RTN3: variants seen among roughly 807,000 people sequenced by gnomAD.
RTN3 encodes reticulon-3.
In RTN3, 49 loss-of-function variants were observed where a neutral mutation model predicts 77.8. The ratio of observed to expected loss-of-function variants is 0.63; its 90% CI spans 0.50 to 0.80. The LOEUF (loss-of-function observed/expected upper bound fraction) is 0.80, where lower values mean the gene tolerates loss of function less well. Ranked by LOEUF, RTN3 falls within the 30% of genes least tolerant of loss-of-function variation. The probability of loss-of-function intolerance (pLI) is 0.00; values close to 1 mark genes in which losing one functional copy is unlikely to be tolerated. For synonymous variants in RTN3, 464 were observed against 446.9 expected, an observed-to-expected ratio of 1.04 and a Z score of -0.48; for missense variants, 1,236 against 1,211.9, an observed-to-expected ratio of 1.02 and a Z score of -0.29.
chr11:63,703,881 A>G lies in RTN3; in HGVS notation c.143-970A>G, dbSNP rs1277593701. 7.2e-5 allele frequency among the ~76,000 whole-genome samples: 11 copies of G among 152,116 alleles called. No individual in the cohort carries two copies. The South Asian group carries it at 8.3e-4, about 11-fold the overall frequency. ...ACATGTATGCAAATATGTCCATAGT[A>G]TATATTCTTAGAAGTGTAACTGTAG... On this transcript the variant is annotated intron_variant, in intron 1 of 8. Coordinates refer to ENST00000377819, the MANE Select transcript of RTN3 (RefSeq NM_001265589.2).
In RTN3 at chr11:63,721,092, G is replaced by C. The variant is rs115424302; in HGVS notation, c.2530+60G>C. The stretch of plus-strand genomic sequence containing the variant: ...ATTCTGTGATTGATTACTTATCAGC[G>C]TGCCATTTATGTTAGTCTGATTTAT... On this transcript the variant is annotated intron_variant, in intron 3 of 8. Coordinates refer to ENST00000377819, the MANE Select transcript of RTN3 (RefSeq NM_001265589.2). 6.1e-3 allele frequency: 8,752 copies of C among 1,436,568 alleles called. 54 individuals carry two copies. The highest frequency in any genetic ancestry group is 0.027 in the Middle Eastern group (145 of 5,430). 89.0% of individuals were successfully genotyped at this position (1,436,568 alleles called of 1,614,324 possible). A position where few individuals can be genotyped will look rare whatever the true frequency, so the allele number is the denominator to read the frequency against.
chr11:63,724,969 T>G lies in RTN3; in HGVS notation c.2530+3937T>G, dbSNP rs79629328. The stretch of plus-strand genomic sequence containing the variant: ...ATTGAAGTTGTTAAAGTTTTGTTTT[T>G]TTTTTTTTTAAGAAATGGAAAAATA... On this transcript the variant is annotated intron_variant, in intron 3 of 8. Transcript: ENST00000377819. Among the ~76,000 whole-genome samples the G allele has an allele frequency of 2.0e-3, 298 of 152,080 alleles. 5 individuals are homozygous for G. In the East Asian group the frequency reaches 0.039, roughly 20 times the overall value.
At chr11:63,738,902 C>T (rs946738130) in intron 3 of RTN3, among the ~76,000 whole-genome samples, 2 of 152,124 alleles carry the variant, frequency 1.3e-5, no homozygotes, top group African/African-American at 4.8e-5. Context: ...GACTGATTTC[C>T]TTTTTCCTTA....
chr11:63,721,036 A>AC lies in RTN3; in HGVS notation c.2530+6dup, dbSNP rs1208188805. ...AGACTTCTGACAGACTTCTCAGGTA[A>AC]CCATTTATATTAGAATACTGCATGT... On this transcript the variant is annotated splice_donor_region_variant and intron_variant, in intron 3 of 8. Coordinates refer to ENST00000377819, the MANE Select transcript of RTN3 (RefSeq NM_001265589.2). 6.3e-5 allele frequency: 99 copies of AC among 1,579,248 alleles called. No homozygotes were observed. The highest frequency in any genetic ancestry group is 8.4e-5 in the Non-Finnish European group (98 of 1,162,360).
chr11:63,728,628 G>A (rs917109492), intron 3 of RTN3, among the ~76,000 whole-genome samples: 16 of 152,116 alleles, frequency 1.1e-4, no homozygotes, highest in East Asian at 1.9e-4. Flanking sequence ...GGTGGCTCAC[G>A]CCTGTAATCC....
chr11:63,750,239 G>A, intron 4 of RTN3, 41 bp downstream of exon 4: 1 of 1,528,992 alleles, frequency 6.5e-7, no homozygotes. Flanking sequence ...CATTTTAGTG[G>A]AAGGGTTCAC....
rs1038105593 is a variant in RTN3, at chr11:63,726,822, A to T, written c.2530+5790A>T. 3.3e-5 allele frequency among the ~76,000 whole-genome samples: 5 copies of T among 151,362 alleles called. 1 individual carries two copies. Among genetic ancestry groups the T allele is most frequent in the South Asian group, 4.2e-4 (2 of 4,816 alleles). Reference sequence around the variant, plus strand: ...GGTTGCAGTGAGCCAAGATCATGCCATTGCACTACAGCCTGGGTGACAGAG... The same window carrying T: ...GGTTGCAGTGAGCCAAGATCATGCCTTTGCACTACAGCCTGGGTGACAGAG... On this transcript the variant is annotated intron_variant, in intron 3 of 8. Coordinates refer to ENST00000377819, the MANE Select transcript of RTN3 (RefSeq NM_001265589.2).
intron 3 of RTN3, among the ~76,000 whole-genome samples, chr11:63,739,124 G>A (rs1043971324): frequency 1.3e-5 from 2 of 152,126 alleles, no homozygotes; most frequent in African/African-American, 4.8e-5. Context: ...AATTCCACCA[G>A]CAACGTAAAC....
chr11:63,740,656 C>G (rs2013412790), intron 3 of RTN3, among the ~76,000 whole-genome samples: 1 of 151,446 alleles, frequency 6.6e-6, no homozygotes, highest in African/African-American at 2.4e-5. Flanking sequence ...GTTTCAAACT[C>G]TTGGAATTCA....
At chr11:63,753,786 G>T (rs1424770290) in intron 7 of RTN3, 78 bp downstream of exon 7, 28 of 1,261,212 alleles carry the variant, frequency 2.2e-5, no homozygotes, top group Middle Eastern at 1.9e-4. Context: ...GACATTGAAT[G>T]TTCAGAGCAG....
At chr11:63,737,343 C>G (rs2013194566) in intron 3 of RTN3, among the ~76,000 whole-genome samples, 1 of 152,226 alleles carries the variant, frequency 6.6e-6, no homozygotes, top group African/African-American at 2.4e-5. Context: ...ATGCCGGTGT[C>G]TCATGCCTGT....
intron 1 of RTN3, among the ~76,000 whole-genome samples, chr11:63,691,420 C>G (rs1311879490): frequency 6.6e-6 from 1 of 152,078 alleles, no homozygotes; most frequent in African/African-American, 2.4e-5. Context: ...TGCGTCCGAC[C>G]TAATTATTTT....
At chr11:63,705,733 T>G (rs564650859) in intron 2 of RTN3, among the ~76,000 whole-genome samples, 23 of 152,336 alleles carry the variant, frequency 1.5e-4, no homozygotes, top group African/African-American at 3.8e-4. Context: ...AAGTCAGTTA[T>G]GTGACTTTTG....
rs150760380 is a variant in RTN3 at position 63,694,233 on chromosome 11, A to G, written c.143-10618A>G. ...TTCTTGTTGCCCAGGCTGGAGTGCA[A>G]TGGCGTGATCTCGGCTCACTGCAAC... On this transcript the variant is annotated intron_variant, in intron 1 of 8. Transcript: ENST00000377819. Among the ~76,000 whole-genome samples the G allele has an allele frequency of 6.2e-3, 944 of 151,158 alleles. 9 individuals carry two copies. Among genetic ancestry groups the G allele is most frequent in the African/African-American group, 0.021 (876 of 41,164 alleles).
In RTN3 at chr11:63,748,383, T is replaced by C. The variant is rs1419611788; in HGVS notation, c.2531-1608T>C. On this transcript the variant is annotated intron_variant, in intron 3 of 8. Transcript: ENST00000377819. ...TTTTTTTTTTTAAACAGTCTCATTC[T>C]GTCACCCAGGCTGGAGTGCAGTGGC... 4.0e-5 allele frequency among the ~76,000 whole-genome samples: 6 copies of C among 150,964 alleles called. No individual in the cohort carries two copies. In the Admixed American group the frequency reaches 4.0e-4, roughly 10 times the overall value.
At chr11:63,683,873 C>A (rs180960449) in intron 1 of RTN3, among the ~76,000 whole-genome samples, 2 of 150,542 alleles carry the variant, frequency 1.3e-5, no homozygotes, top group Non-Finnish European at 1.5e-5. Context: ...CATGAGTTTG[C>A]ATTACATTTT....
chr11:63,700,256 A>G (rs1006102888), intron 1 of RTN3, among the ~76,000 whole-genome samples: 4 of 150,800 alleles, frequency 2.7e-5, no homozygotes, highest in Non-Finnish European at 5.9e-5. Context: ...CTGGAAACAT[A>G]GAGATAGGAA....
Position 63,719,986 on chromosome 11 carries a change from A to C in RTN3, c.1484A>C (p.Asp495Ala), listed in dbSNP as rs1565321870. Residue 495 changes from aspartate (D) to alanine (A), a missense_variant, in exon 3 of 9, where the codon GAT becomes GCT. Transcript: ENST00000377819. ...SSALGEITEA[D>A]SSGESDDTVI... ...GCATTGGGAGAAATCACAGAAGCTG[A>C]TAGTTCTGGTGAGTCTGATGACACA... 2.5e-6 allele frequency: 4 copies of C among 1,614,048 alleles called. No individual in the cohort carries two copies. The South Asian group carries it at 3.3e-5, about 13-fold the overall frequency.
intron 1 of RTN3, among the ~76,000 whole-genome samples, chr11:63,682,572 A>G (rs1941117549): frequency 6.6e-6 from 1 of 151,102 alleles, no homozygotes; most frequent in Non-Finnish European, 1.5e-5. Context: ...ATGCTAAGCT[A>G]TCAACATGTT....
Sources: allele counts gnomAD v4.1 joint callset (sites outside exome capture counted in the v4.1 genomes callset), GRCh38; gene constraint gnomAD v4.1.1; transcripts MANE v1.5; gene names NCBI Gene and HGNC (gene_info 2026-07-23, HGNC 2026-07-21).